Variants in CDH23 observed in about 807,000 individuals in gnomAD.
The protein encoded by CDH23 is cadherin related 23.
A neutral mutation model predicts 317.1 loss-of-function variants in CDH23; 189 were observed. The observed-to-expected ratio is 0.60, with a 90% confidence interval of 0.53 to 0.67. The LOEUF (loss-of-function observed/expected upper bound fraction) is 0.67. Among genes scored for constraint, CDH23 ranks in the 30% least tolerant of loss-of-function variants. The probability of loss-of-function intolerance (pLI) is 0.00; values close to 1 mark genes in which losing one functional copy is unlikely to be tolerated. For synonymous variants in CDH23, 1,839 were observed against 1,876.8 expected (o/e 0.98, Z 0.52); for missense variants, 4,401 against 4,592.4 (o/e 0.96, Z 1.20).
In CDH23 at chr10:71,811,286, G is replaced by A. The variant is rs766423971; in HGVS notation, c.9078-29G>A. On this transcript the variant is annotated intron_variant, in intron 62 of 69. Coordinates refer to ENST00000224721, the MANE Select transcript of CDH23 (RefSeq NM_022124.6). ...CGGTGGTGGGGGAATGGCTGAGGAG[G>A]AGAGCTGAGACCCCTGCCCCTCGCC... 13 of 1,613,472 alleles carry A rather than the reference G, an allele frequency of 8.1e-6. No homozygotes were observed. The East Asian group carries it at 2.9e-4, about 36-fold the overall frequency.
chr10:71,459,085 CTTTTTT>C (rs372627407), intron 3 of CDH23, among the ~76,000 whole-genome samples: 1 of 102,570 alleles, frequency 9.7e-6, no homozygotes, highest in Non-Finnish European at 1.9e-5. Context: ...CACACCTGGC[CTTTTTT>C]TTTTTTTTTT....
rs932290579 is a variant in CDH23 at position 71,476,938 on chromosome 10, C to T, written c.145+30543C>T. On this transcript the variant is annotated intron_variant, in intron 3 of 69. Transcript: ENST00000224721. Reference sequence around the variant, plus strand: ...ACTGGAAATGTTAGGGCTGTTCTACCCTTGACCTTGAATGAGATCCCAGAG... The same window carrying T: ...ACTGGAAATGTTAGGGCTGTTCTACTCTTGACCTTGAATGAGATCCCAGAG... Among the ~76,000 whole-genome samples, 6 of 152,094 alleles carry T rather than the reference C, an allele frequency of 3.9e-5. No homozygotes were observed. In the East Asian group the frequency reaches 5.8e-4, roughly 15 times the overall value.
Position 71,642,696 on chromosome 10 carries a change from G to A in CDH23, c.1135-1165G>A, listed in dbSNP as rs370048793. Among the ~76,000 whole-genome samples, 47 of 152,240 alleles carry A rather than the reference G, an allele frequency of 3.1e-4. No individual in the cohort carries two copies. In the South Asian group the frequency reaches 7.7e-3, roughly 25 times the overall value. Reference sequence around the variant, plus strand: ...ATTACAGGCATGAGCCACCGCACCCGGCCTGGGCCCGGCCTCTTATCCCCC... The same window carrying A: ...ATTACAGGCATGAGCCACCGCACCCAGCCTGGGCCCGGCCTCTTATCCCCC... On this transcript the variant is annotated intron_variant, in intron 11 of 69. Coordinates refer to ENST00000224721, the MANE Select transcript of CDH23 (RefSeq NM_022124.6).
At chr10:71,633,012 G>A (rs557300959) in intron 11 of CDH23, among the ~76,000 whole-genome samples, 12 of 152,190 alleles carry the variant, frequency 7.9e-5, no homozygotes, top group South Asian at 4.1e-4. Flanking sequence ...AGGGCATCTC[G>A]CATGATGAGA....
chr10:71,529,936 C>G (rs988380439), intron 6 of CDH23, among the ~76,000 whole-genome samples: 3 of 151,994 alleles, frequency 2.0e-5, no homozygotes, highest in Admixed American at 6.6e-5. Flanking sequence ...CTCTGACCCA[C>G]CCACCCCAGC....
intron 3 of CDH23, among the ~76,000 whole-genome samples, chr10:71,500,901 G>A (rs1034312105): frequency 6.7e-5 from 10 of 148,196 alleles, no homozygotes; most frequent in Non-Finnish European, 1.0e-4. Flanking sequence ...ACAGAGTCTC[G>A]CTCTGTCCTC....
At chr10:71,609,415 C>T (rs544545815) in intron 9 of CDH23, among the ~76,000 whole-genome samples, 3 of 152,254 alleles carry the variant, frequency 2.0e-5, no homozygotes, top group Admixed American at 6.5e-5. Context: ...AAACTCTGGG[C>T]AGCAGCACCT....
Position 71,751,016 on chromosome 10 carries a change from C to T in CDH23, c.4845+9095C>T. 2.0e-6 allele frequency: 1 copy of T among 507,048 alleles called. No homozygotes were observed. Among genetic ancestry groups the T allele is most frequent in the Non-Finnish European group, 3.5e-6 (1 of 282,744 alleles). 31.4% of individuals were successfully genotyped at this position (507,048 alleles called of 1,614,324 possible). A position where few individuals can be genotyped will look rare whatever the true frequency, so the allele number is the denominator to read the frequency against. On this transcript the variant is annotated intron_variant, in intron 38 of 69. Coordinates refer to ENST00000224721, the MANE Select transcript of CDH23 (RefSeq NM_022124.6). This position sits in a 1 kb window ranked among gnomAD's most constrained non-coding sequence, Gnocchi z 4.9. ...TCTGTAGCTGGTGAATTTCAGGTCT[C>T]TAGGGGAGAATCTCAGCACCCCAAA... is the stretch of plus-strand genomic sequence containing the variant.
At chr10:71,694,838 C>T (rs748872052) in intron 21 of CDH23, among the ~76,000 whole-genome samples, 4 of 152,150 alleles carry the variant, frequency 2.6e-5, no homozygotes, top group African/African-American at 9.7e-5. Flanking sequence ...GTTCCCCATT[C>T]GGTTTCTTTG....
chr10:71,533,233 C>G (rs1855502646), intron 6 of CDH23, among the ~76,000 whole-genome samples: 1 of 151,742 alleles, frequency 6.6e-6, no homozygotes, highest in Non-Finnish European at 1.5e-5. Context: ...CATCCTGTTT[C>G]TGCCATCAGT....
intron 6 of CDH23, among the ~76,000 whole-genome samples, chr10:71,532,224 C>T (rs1364968578): frequency 2.0e-5 from 3 of 152,196 alleles, no homozygotes; most frequent in Non-Finnish European, 4.4e-5. Flanking sequence ...GGGCAAGGAG[C>T]CTCTAATTGA....
chr10:71,653,989 A>T (rs1341854817), intron 14 of CDH23, among the ~76,000 whole-genome samples: 1 of 151,804 alleles, frequency 6.6e-6, no homozygotes, highest in Non-Finnish European at 1.5e-5. Flanking sequence ...ACTTCCCTAG[A>T]CTCTGGGTCC....
intron 1 of CDH23, among the ~76,000 whole-genome samples, chr10:71,432,151 G>A (rs549224791): frequency 6.6e-6 from 1 of 152,196 alleles, no homozygotes; most frequent in East Asian, 1.9e-4. Flanking sequence ...TGGGGTGGGG[G>A]CATTTTGTGG....
intron 18 of CDH23, 146 bp downstream of exon 18, chr10:71,682,718 C>T: frequency 9.3e-7 from 1 of 1,073,868 alleles, no homozygotes; most frequent in South Asian, 1.5e-5. Flanking sequence ...TGTCCCAAAG[C>T]CTGCCCTTAG....
rs1295545995 is a variant in CDH23, at chr10:71,533,538, C to CACACACACACAG, written c.429+22337_429+22338insGACACACACACA. Among the ~76,000 whole-genome samples the CACACACACACAG allele has an allele frequency of 3.0e-5, 4 of 134,956 alleles. No individual in the cohort carries two copies. In the East Asian group the frequency reaches 7.9e-4, roughly 27 times the overall value. The allele number at this position is 134,956 out of a possible 152,430, so 88.5% of individuals were successfully genotyped here. A position where few individuals can be genotyped will look rare whatever the true frequency, so the allele number is the denominator to read the frequency against. On this transcript the variant is annotated intron_variant, in intron 6 of 69. Transcript: ENST00000224721. ...GCTGGCTGGACACCACACACACACACACACACACACACACACACACACACA... is the reference window on the plus strand; with the variant it reads ...GCTGGCTGGACACCACACACACACACACACACACACAGACACACACACACACACACACACACA...
intron 43 of CDH23, 21 bp downstream of exon 43, chr10:71,785,121 A>G: frequency 6.3e-7 from 1 of 1,594,446 alleles, no homozygotes; most frequent in Non-Finnish European, 8.6e-7. Flanking sequence ...GACTGACCCC[A>G]GGGAGCTTCC....
intron 45 of CDH23, among the ~76,000 whole-genome samples, chr10:71,789,339 C>T (rs1339433521): frequency 6.6e-6 from 1 of 152,176 alleles, no homozygotes; most frequent in East Asian, 1.9e-4. Context: ...GAGGACTACC[C>T]CGGAGGGGAG....
intron 3 of CDH23, among the ~76,000 whole-genome samples, chr10:71,490,698 G>T (rs1852605739): frequency 6.6e-6 from 1 of 152,220 alleles, no homozygotes; most frequent in Admixed American, 6.5e-5. Flanking sequence ...GGAAATAATA[G>T]TAACGACTGA....
intron 14 of CDH23, among the ~76,000 whole-genome samples, chr10:71,665,236 C>T (rs892620106): frequency 4.6e-5 from 7 of 152,120 alleles, no homozygotes; most frequent in African/African-American, 1.2e-4. Flanking sequence ...CACACCTATC[C>T]GCTGGCAAGA....
Sources: gnomAD v4.1 joint callset for allele counts (sites outside exome capture counted in the v4.1 genomes callset) on GRCh38, gnomAD v4.1.1 for gene constraint, Gnocchi (gnomAD v3.1) non-coding constraint, MANE v1.5 for transcripts, NCBI Gene and HGNC (gene_info 2026-07-23, HGNC 2026-07-21) for gene names.